Variants in GNA12 observed in about 807,000 individuals in gnomAD.
GNA12 encodes the protein G protein subunit alpha 12.
GNA12 carries 9 observed loss-of-function variants against 26.0 expected under a neutral mutation model. The ratio of observed to expected loss-of-function variants is 0.35; its 90% CI spans 0.21 to 0.60. GNA12 has a LOEUF of 0.60. Ranked by LOEUF, GNA12 falls within the 20% of genes least tolerant of loss-of-function variation. GNA12 has a pLI of 0.78. For synonymous variants in GNA12, 264 were observed against 219.6 expected, an observed-to-expected ratio of 1.20 and a Z score of -1.79; for missense variants, 405 against 525.8, an observed-to-expected ratio of 0.77 and a Z score of 2.25.
chr7:2,798,117 AC>A (rs1348918626), intron 1 of GNA12, among the ~76,000 whole-genome samples: 1 of 152,072 alleles, frequency 6.6e-6, no homozygotes, highest in Non-Finnish European at 1.5e-5. Flanking sequence ...CTGCTATTCA[AC>A]ATGGTTCTGG....
intron 2 of GNA12, among the ~76,000 whole-genome samples, chr7:2,779,436 C>G (rs208339): frequency 1 from 151,427 of 152,024 alleles, 75,418 homozygotes; most frequent in East Asian, 1. Context: ...CTTGAACCTG[C>G]GAGTTCGAGG....
intron 2 of GNA12, among the ~76,000 whole-genome samples, chr7:2,775,127 T>A (rs1012254523): frequency 1.3e-5 from 2 of 152,136 alleles, no homozygotes; most frequent in African/African-American, 4.8e-5. Context: ...AGTACCAAAT[T>A]CGTAACAGGG....
At chr7:2,743,631 T>G (rs1157098357) in intron 2 of GNA12, among the ~76,000 whole-genome samples, 2 of 152,116 alleles carry the variant, frequency 1.3e-5, no homozygotes, top group African/African-American at 4.8e-5. Flanking sequence ...ACGGGTGATT[T>G]CTGCATTTCC....
At chr7:2,774,506 G>A (rs913955876) in intron 2 of GNA12, among the ~76,000 whole-genome samples, 1 of 152,192 alleles carries the variant, frequency 6.6e-6, no homozygotes, top group Non-Finnish European at 1.5e-5. Flanking sequence ...TGAGTGTGCA[G>A]GGAGCAGCAG....
chr7:2,827,306 T>C (rs1450433152), intron 1 of GNA12, among the ~76,000 whole-genome samples: 3 of 152,156 alleles, frequency 2.0e-5, no homozygotes, highest in South Asian at 2.1e-4. Flanking sequence ...TGGAATTTGA[T>C]AGAGGTGGTG....
At chr7:2,751,803 A>T (rs1791053349) in intron 2 of GNA12, among the ~76,000 whole-genome samples, 1 of 152,232 alleles carries the variant, frequency 6.6e-6, no homozygotes, top group Non-Finnish European at 1.5e-5. Context: ...ATTTCCCAAA[A>T]CGGATACTGT....
chr7:2,842,116 G>C (rs1583322730), intron 1 of GNA12, among the ~76,000 whole-genome samples: 1 of 85,882 alleles, frequency 1.2e-5, no homozygotes, highest in Admixed American at 1.3e-4. Context: ...GGAAGGGAAG[G>C]GAGGAAGAAA....
intron 2 of GNA12, among the ~76,000 whole-genome samples, chr7:2,749,524 G>T (rs1486846279): frequency 6.6e-6 from 1 of 150,438 alleles, no homozygotes; most frequent in East Asian, 2.0e-4. Flanking sequence ...GGTAGGGGGA[G>T]GGGGGAGGGA....
At chr7:2,791,731 T>C (rs769879528) in intron 2 of GNA12, among the ~76,000 whole-genome samples, 1 of 147,950 alleles carries the variant, frequency 6.8e-6, no homozygotes, top group Non-Finnish European at 1.5e-5. Context: ...ACTGCAGGGG[T>C]GGGGGAGGGA....
chr7:2,789,216 A>G (rs985860095), intron 2 of GNA12, among the ~76,000 whole-genome samples: 7 of 128,392 alleles, frequency 5.5e-5, no homozygotes, highest in Middle Eastern at 4.6e-3. Context: ...GCTCACTGCA[A>G]GCTCCGCCTC....
chr7:2,751,049 G>C (rs747448724), intron 2 of GNA12, among the ~76,000 whole-genome samples: 5 of 152,152 alleles, frequency 3.3e-5, no homozygotes, highest in Non-Finnish European at 7.3e-5. Context: ...TTTATCTTGA[G>C]ATGTTGCCAC....
rs772726296 is a variant in GNA12 at position 2,795,036 on chromosome 7, C to A, written c.417G>T (p.Gly139=). 1.9e-6 allele frequency: 3 copies of A among 1,614,022 alleles called. No individual in the cohort carries two copies. The highest frequency in any genetic ancestry group is 2.5e-6 in the Non-Finnish European group (3 of 1,179,880). Residue 139 remains glycine, a synonymous_variant, in exon 2 of 4, where the codon GGG becomes GGT. Transcript: ENST00000275364. Reference sequence around the variant, plus strand: ...GGAAGGTGGCCGGCTCCACAGGCAGCCCCGCCTTGTTCTCGAAGGCCATCA... The same window carrying A: ...GGAAGGTGGCCGGCTCCACAGGCAGACCCGCCTTGTTCTCGAAGGCCATCA... ...MFLMAFENKA[G]LPVEPATFQL... is the part of the protein sequence containing the mutation.
chr7:2,760,770 T>C (rs535285986), intron 2 of GNA12, among the ~76,000 whole-genome samples: 15 of 152,360 alleles, frequency 9.8e-5, no homozygotes, highest in African/African-American at 3.1e-4. Flanking sequence ...AGGGACAGCG[T>C]CGAGCTCCCT....
chr7:2,811,270 C>A (rs1793074958), intron 1 of GNA12, among the ~76,000 whole-genome samples: 1 of 152,198 alleles, frequency 6.6e-6, no homozygotes, highest in African/African-American at 2.4e-5. Flanking sequence ...CCTCTGTGCA[C>A]AACCAGAGCT....
chr7:2,786,314 G>C (rs190363348), intron 2 of GNA12, among the ~76,000 whole-genome samples: 1 of 152,004 alleles, frequency 6.6e-6, no homozygotes, highest in East Asian at 1.9e-4. Context: ...AGTTCAAAAT[G>C]AAAAATTGAA....
intron 1 of GNA12, among the ~76,000 whole-genome samples, chr7:2,804,814 T>G (rs1373316668): frequency 1.3e-5 from 2 of 151,970 alleles, no homozygotes; most frequent in Non-Finnish European, 2.9e-5. Context: ...ATCCTAGCGC[T>G]TTGGGAAGCC....
Position 2,744,788 on chromosome 7 carries a change from G to A in GNA12, c.526-11287C>T, listed in dbSNP as rs530442823. ...AACTTTGAAAAAAAATTAGACAAATGGATAACTAGAATAACCAATGCAGAG... is the reference window on the plus strand; with the variant it reads ...AACTTTGAAAAAAAATTAGACAAATAGATAACTAGAATAACCAATGCAGAG... On this transcript the variant is annotated intron_variant, in intron 2 of 3. Coordinates refer to ENST00000275364, the MANE Select transcript of GNA12 (RefSeq NM_007353.3). Among the ~76,000 whole-genome samples, 77 of 152,248 alleles carry A rather than the reference G, an allele frequency of 5.1e-4. 1 individual carries two copies. Among genetic ancestry groups the A allele is most frequent in the Middle Eastern group, 3.4e-3 (1 of 294 alleles).
At chr7:2,802,494 T>C (rs1792835514) in intron 1 of GNA12, among the ~76,000 whole-genome samples, 1 of 152,010 alleles carries the variant, frequency 6.6e-6, no homozygotes, top group African/African-American at 2.4e-5. Flanking sequence ...TAGCCCCTAA[T>C]CAAACCAAAT....
Position 2,794,989 on chromosome 7 carries a change from C to T in GNA12, c.464G>A (p.Ser155Asn), listed in dbSNP as rs759995518. The T allele has an allele frequency of 1.9e-6, 3 of 1,614,102 alleles. No homozygotes were observed. The highest frequency in any genetic ancestry group is 2.7e-5 in the African/African-American group (2 of 74,936). The change falls in exon 2 of 4, where the codon AGC becomes AAC. Residue 155 changes from serine to asparagine, a missense_variant. By Grantham distance (46) the Ser-to-Asn change is conservative. Transcript: ENST00000275364. ...ATFQLYVPAL[S>N]ALWRDSGIRE... ...GATGCCAGAATCCCTCCAGAGTGCG[C>T]TCAGGGCCGGGACGTACAGCTGGAA... is the stretch of plus-strand genomic sequence containing the variant.
Sources: allele counts gnomAD v4.1 joint callset (sites outside exome capture counted in the v4.1 genomes callset), GRCh38; gene constraint gnomAD v4.1.1; transcripts MANE v1.5; gene names NCBI Gene and HGNC (gene_info 2026-07-23, HGNC 2026-07-21).